Variants in CPA6 observed in about 807,000 individuals in gnomAD.
CPA6 encodes carboxypeptidase A6.
A neutral mutation model predicts 63.3 loss-of-function variants in CPA6; 58 were observed. That is an observed-to-expected ratio of 0.92 (90% CI 0.74 to 1.14). The LOEUF (loss-of-function observed/expected upper bound fraction) is 1.14, where lower values mean the gene tolerates loss of function less well. Ranked by LOEUF, CPA6 falls within the 50% of genes most tolerant of loss-of-function variation. CPA6 has a pLI of 0.00. For synonymous variants in CPA6, 185 were observed against 179.0 expected (o/e 1.03, Z -0.27); for missense variants, 565 against 526.6 (o/e 1.07, Z -0.71).
At position 67,437,134 on chromosome 8, in the gene CPA6, G is replaced by C. The variant is rs1282838225; in HGVS notation, c.839-2894C>G. Among the ~76,000 whole-genome samples, 5 of 152,218 alleles carry C rather than the reference G, an allele frequency of 3.3e-5. No homozygotes were observed. The East Asian group carries it at 9.6e-4, about 29-fold the overall frequency. ...AGCTGGGCCAGGCGTGGTGGCTTAT[G>C]CTTGTAATCCCAGCACTTTGGGAGG... On this transcript the variant is annotated intron_variant, in intron 8 of 10. Coordinates refer to ENST00000297770, the MANE Select transcript of CPA6 (RefSeq NM_020361.5).
chr8:67,632,498 A>ATT (rs1294891122), intron 1 of CPA6, among the ~76,000 whole-genome samples: 1 of 151,802 alleles, frequency 6.6e-6, no homozygotes, highest in African/African-American at 2.4e-5. Context: ...TTTTTTAGAG[A>ATT]TTTTTTTCTC....
intron 8 of CPA6, among the ~76,000 whole-genome samples, chr8:67,440,532 C>T (rs906542291): frequency 6.6e-6 from 1 of 152,082 alleles, no homozygotes; most frequent in Non-Finnish European, 1.5e-5. Flanking sequence ...GATCGTGCCA[C>T]TGTACTCCAG....
Position 67,509,418 on chromosome 8 carries a change from T to C in CPA6, c.534+99A>G, listed in dbSNP as rs1811997354. On this transcript the variant is annotated intron_variant, in intron 5 of 10. Transcript: ENST00000297770. ...TCAGATGATGTTAAATATGAGACTC[T>C]ATAAAAGATCATTTCATTTCTTTTC... The C allele has an allele frequency of 2.3e-5, 14 of 603,852 alleles. No homozygotes were observed. The East Asian group carries it at 4.2e-4, about 18-fold the overall frequency. 37.4% of individuals were successfully genotyped at this position (603,852 alleles called of 1,614,324 possible).
chr8:67,702,821 C>A (rs1281219845), intron 1 of CPA6, among the ~76,000 whole-genome samples: 3 of 152,182 alleles, frequency 2.0e-5, no homozygotes, highest in Non-Finnish European at 4.4e-5. Flanking sequence ...ACACAAATCC[C>A]AGAATCATGC....
intron 8 of CPA6, among the ~76,000 whole-genome samples, chr8:67,435,765 C>T (rs1446716142): frequency 3.9e-5 from 6 of 152,032 alleles, no homozygotes; most frequent in Non-Finnish European, 7.4e-5. Context: ...CTTATTTGCA[C>T]CCTCCCCACC....
rs530135484 is a variant in CPA6 at position 67,545,854 on chromosome 8, C to T, written c.193-27807G>A. 2.6e-5 allele frequency among the ~76,000 whole-genome samples: 4 copies of T among 152,234 alleles called. No individual in the cohort carries two copies. The East Asian group carries it at 7.7e-4, about 29-fold the overall frequency. On this transcript the variant is annotated intron_variant, in intron 2 of 10. Transcript: ENST00000297770. ...CTGGGATTACAGGCGTGAACTACCT[C>T]GCCTGGCCTACTGTTATCTTTCTAA...
chr8:67,508,854 A>G (rs1014868067), intron 5 of CPA6, among the ~76,000 whole-genome samples: 1 of 152,184 alleles, frequency 6.6e-6, no homozygotes, highest in Non-Finnish European at 1.5e-5. Context: ...CTTCTGCATT[A>G]GTTAGTTCTC....
chr8:67,536,155 CT>C (rs1812580279), intron 2 of CPA6, among the ~76,000 whole-genome samples: 1 of 152,092 alleles, frequency 6.6e-6, no homozygotes, highest in South Asian at 2.1e-4. Context: ...GTTGTTTTTG[CT>C]TAGGATTGTC....
intron 1 of CPA6, among the ~76,000 whole-genome samples, chr8:67,735,961 C>T (rs1016860284): frequency 3.3e-5 from 5 of 152,126 alleles, no homozygotes; most frequent in Admixed American, 1.3e-4. Flanking sequence ...CTGGAGAAAA[C>T]CTGTGGAGCT....
intron 10 of CPA6, among the ~76,000 whole-genome samples, chr8:67,424,256 T>G (rs1809834794): frequency 1.3e-5 from 2 of 152,218 alleles, no homozygotes; most frequent in African/African-American, 4.8e-5. Context: ...GGAAATAAAG[T>G]GCGCAATGAA....
intron 1 of CPA6, among the ~76,000 whole-genome samples, chr8:67,647,139 C>T (rs1168559404): frequency 1.3e-5 from 2 of 151,986 alleles, no homozygotes; most frequent in African/African-American, 4.8e-5. Flanking sequence ...GATCTAGGAT[C>T]TATCAGAGGG....
chr8:67,427,824 T>G (rs139618284), intron 10 of CPA6, among the ~76,000 whole-genome samples: 5 of 152,336 alleles, frequency 3.3e-5, no homozygotes, highest in African/African-American at 7.2e-5. Context: ...TACTGCACAC[T>G]TAGCATATTC....
At chr8:67,481,921 T>G (rs1811368705) in intron 8 of CPA6, among the ~76,000 whole-genome samples, 1 of 152,220 alleles carries the variant, frequency 6.6e-6, no homozygotes, top group Non-Finnish European at 1.5e-5. Context: ...CTGCCTGCAC[T>G]TCCCCATCAC....
chr8:67,624,322 T>A, intron 1 of CPA6, 71 bp from the exon 2 acceptor site: 1 of 817,518 alleles, frequency 1.2e-6, no homozygotes, highest in Non-Finnish European at 1.9e-6. Flanking sequence ...CTTTCTTACC[T>A]CTTAAAAAAC....
intron 2 of CPA6, chr8:67,569,572 C>A: frequency 2.2e-6 from 1 of 460,476 alleles, no homozygotes; most frequent in Non-Finnish European, 4.4e-6. Flanking sequence ...ACAACAAGCC[C>A]AGTTGTCAGC....
intron 1 of CPA6, among the ~76,000 whole-genome samples, chr8:67,733,348 A>G (rs1817751884): frequency 1.3e-5 from 2 of 151,836 alleles, no homozygotes; most frequent in South Asian, 4.2e-4. Flanking sequence ...TCAAGTGCCC[A>G]GGTGGTGCTG....
At chr8:67,589,820 TCTC>T (rs1040626169) in intron 2 of CPA6, among the ~76,000 whole-genome samples, 98 of 152,040 alleles carry the variant, frequency 6.4e-4, no homozygotes, top group African/African-American at 2.3e-3. Context: ...AGAAGATGAT[TCTC>T]CTGATTATTA....
intron 6 of CPA6, among the ~76,000 whole-genome samples, chr8:67,499,223 A>G (rs2128963497): frequency 6.6e-6 from 1 of 152,274 alleles, no homozygotes; most frequent in African/African-American, 2.4e-5. Flanking sequence ...AATGCTGGCC[A>G]AAGAAGAGAT....
At chr8:67,651,713 T>C (rs570919598) in intron 1 of CPA6, among the ~76,000 whole-genome samples, 2 of 152,244 alleles carry the variant, frequency 1.3e-5, no homozygotes, top group South Asian at 4.2e-4. Context: ...TAGTAGAGAA[T>C]AGCGCGAGAG....
Sources: allele counts gnomAD v4.1 joint callset (sites outside exome capture counted in the v4.1 genomes callset), GRCh38; gene constraint gnomAD v4.1.1; transcripts MANE v1.5; gene names NCBI Gene and HGNC (gene_info 2026-07-23, HGNC 2026-07-21).